Variants in PCDH15 observed in about 807,000 individuals in gnomAD.
PCDH15 encodes protocadherin related 15, also known as protocadherin-15.
A neutral mutation model predicts 178.5 loss-of-function variants in PCDH15; 129 were observed. That is an observed-to-expected ratio of 0.72 (90% CI 0.63 to 0.84). The LOEUF (loss-of-function observed/expected upper bound fraction) is 0.84, where lower values mean the gene tolerates loss of function less well. Ranked by LOEUF, PCDH15 falls within the 40% of genes least tolerant of loss-of-function variation. The pLI, the probability that PCDH15 is intolerant of heterozygous loss-of-function variation, is 0.00. For synonymous variants in PCDH15, 800 were observed against 732.0 expected (o/e 1.09, Z -1.50); for missense variants, 2,230 against 2,099.9 (o/e 1.06, Z -1.21).
At chr10:54,848,390 A>G (rs1432766722) in intron 3 of PCDH15, among the ~76,000 whole-genome samples, 3 of 150,996 alleles carry the variant, frequency 2.0e-5, no homozygotes, top group East Asian at 2.0e-4. Context: ...CTCAAAAAAA[A>G]AAAAAAAAAA....
chr10:54,873,189 G>T (rs988703246), intron 3 of PCDH15, among the ~76,000 whole-genome samples: 1 of 152,048 alleles, frequency 6.6e-6, no homozygotes, highest in East Asian at 1.9e-4. Flanking sequence ...TTTATATATC[G>T]TAGGTTCTCA....
At chr10:55,595,927 T>C (rs1331408535) in intron 2 of PCDH15, among the ~76,000 whole-genome samples, 2 of 152,116 alleles carry the variant, frequency 1.3e-5, no homozygotes, top group Admixed American at 1.3e-4. Context: ...TAAGAACGTC[T>C]AATAATAATG....
chr10:53,961,519 T>C (rs986223583), intron 22 of PCDH15, among the ~76,000 whole-genome samples: 3 of 152,054 alleles, frequency 2.0e-5, no homozygotes, highest in East Asian at 1.9e-4. Flanking sequence ...GTATGAAATG[T>C]CATCATGAGG....
chr10:54,444,013 A>T lies in PCDH15; in HGVS notation c.158-65071T>A, dbSNP rs146415184. Among the ~76,000 whole-genome samples, 76 of 151,850 alleles carry T rather than the reference A, an allele frequency of 5.0e-4. 1 individual carries two copies. The East Asian group carries it at 0.011, about 22-fold the overall frequency. On this transcript the variant is annotated intron_variant, in intron 3 of 37. Transcript: ENST00000644397. ...AAGTCTTCATGTCTTCCTCCTTGAA[A>T]TAATAGCATTGTGAGAGAAAAAAAA...
intron 2 of PCDH15, among the ~76,000 whole-genome samples, chr10:54,562,271 A>T (rs1432095348): frequency 6.6e-6 from 1 of 152,256 alleles, no homozygotes; most frequent in Non-Finnish European, 1.5e-5. Flanking sequence ...GATTACAGGC[A>T]TGAGCCACTG....
chr10:54,369,173 T>C lies in PCDH15; in HGVS notation c.421A>G (p.Asn141Asp), dbSNP rs762617335. The C allele has an allele frequency of 6.2e-7, 1 of 1,612,944 alleles. No individual in the cohort carries two copies. Among genetic ancestry groups the C allele is most frequent in the Non-Finnish European group, 8.5e-7 (1 of 1,179,422 alleles). The part of the protein sequence containing the change: ...HEVRIVVRDR[N>D]DNSPTFKHES... ...TGCTTGAAAGTGGGTGAGTTGTCAT[T>C]CCTGTCTCTCACCACTATTCGCACT... is the stretch of plus-strand genomic sequence containing the variant. Residue 141 changes from asparagine to aspartate, a missense_variant, in exon 5 of 38, where the codon AAT (asparagine) becomes GAT (aspartate). Coordinates refer to ENST00000644397, the MANE Select transcript of PCDH15 (RefSeq NM_001384140.1).
chr10:55,254,892 C>A (rs2799616), intron 1 of PCDH15, among the ~76,000 whole-genome samples: 128,753 of 152,112 alleles, frequency 0.85, 55,122 homozygotes, highest in East Asian at 0.96. Context: ...GTTTAGTCAA[C>A]CTTACATCTC....
At chr10:54,151,534 G>T (rs9663427) in intron 14 of PCDH15, among the ~76,000 whole-genome samples, 96,700 of 151,690 alleles carry the variant, frequency 0.64, 32,297 homozygotes, top group East Asian at 0.9. Context: ...AGTTAGACCT[G>T]GGCTAGGGGG....
intron 2 of PCDH15, among the ~76,000 whole-genome samples, chr10:54,963,333 G>T (rs1039404195): frequency 1.3e-4 from 9 of 70,742 alleles, no homozygotes; most frequent in Admixed American, 9.7e-4. Flanking sequence ...GACATAAAAT[G>T]TGTTTTTTTT....
At chr10:54,041,944 GTTAGTAACATTCTTGAGATTATTTGATA>G (rs1378414884) in intron 18 of PCDH15, among the ~76,000 whole-genome samples, 5 of 152,018 alleles carry the variant, frequency 3.3e-5, no homozygotes, top group Non-Finnish European at 4.4e-5. Context: ...ACCTCTTGAT[GTTAGTAACATTCTTGAGATTATTTGATA>G]TTAGTAACAT....
chr10:53,916,678 T>G (rs1196798213), intron 25 of PCDH15, among the ~76,000 whole-genome samples: 1 of 152,206 alleles, frequency 6.6e-6, no homozygotes, highest in Non-Finnish European at 1.5e-5. Flanking sequence ...AGCATAAACT[T>G]TGGAAGCAGA....
At chr10:54,560,625 A>G (rs1178283766) in intron 2 of PCDH15, among the ~76,000 whole-genome samples, 3 of 152,088 alleles carry the variant, frequency 2.0e-5, no homozygotes, top group Non-Finnish European at 4.4e-5. Flanking sequence ...TAATTTTTCA[A>G]TAATCATGTA....
chr10:54,456,165 C>T (rs929877644), intron 3 of PCDH15, among the ~76,000 whole-genome samples: 8 of 152,106 alleles, frequency 5.3e-5, no homozygotes, highest in Non-Finnish European at 1.2e-4. Flanking sequence ...ATCATCCAGA[C>T]CCCACAATGG....
intron 8 of PCDH15, among the ~76,000 whole-genome samples, chr10:54,294,379 G>T (rs2059614792): frequency 6.6e-6 from 1 of 151,990 alleles, no homozygotes; most frequent in African/African-American, 2.4e-5. Flanking sequence ...CGAGTTAATG[G>T]GTGCAGCAAA....
At chr10:54,669,069 G>A (rs147780609) in intron 1 of PCDH15, among the ~76,000 whole-genome samples, 140 of 152,178 alleles carry the variant, frequency 9.2e-4, no homozygotes, top group Middle Eastern at 3.4e-3. Context: ...CTAAAAACAT[G>A]AGGTTTTCCA....
chr10:54,189,142 A>T (rs992972732), intron 11 of PCDH15, among the ~76,000 whole-genome samples: 2 of 152,050 alleles, frequency 1.3e-5, no homozygotes, highest in Non-Finnish European at 2.9e-5. Context: ...TACTATAAAC[A>T]ATAGATTATG....
At chr10:54,991,764 T>C (rs59413370) in intron 2 of PCDH15, among the ~76,000 whole-genome samples, 1,645 of 152,272 alleles carry the variant, frequency 0.011, 33 homozygotes, top group African/African-American at 0.037. Context: ...TATTTATCAG[T>C]GGAGCTGAAA....
At chr10:55,448,401 T>C (rs1839363499) in intron 2 of PCDH15, among the ~76,000 whole-genome samples, 1 of 152,030 alleles carries the variant, frequency 6.6e-6, no homozygotes, top group Non-Finnish European at 1.5e-5. Flanking sequence ...TAAAAATATT[T>C]GTTCTTCCAT....
chr10:54,228,178 T>A (rs2053657649), intron 9 of PCDH15, among the ~76,000 whole-genome samples: 1 of 152,098 alleles, frequency 6.6e-6, no homozygotes, highest in African/African-American at 2.4e-5. Flanking sequence ...GATAAAGACA[T>A]ACCAGAGACT....
Sources: gnomAD v4.1 joint callset for allele counts (sites outside exome capture counted in the v4.1 genomes callset) on GRCh38, gnomAD v4.1.1 for gene constraint, MANE v1.5 for transcripts, NCBI Gene and HGNC (gene_info 2026-07-23, HGNC 2026-07-21) for gene names.